Variants in ROCK1 observed in about 807,000 individuals in gnomAD.
ROCK1 encodes the protein Rho associated coiled-coil containing protein kinase 1.
In ROCK1, 36 loss-of-function variants were observed where a neutral mutation model predicts 196.8. That is an observed-to-expected ratio of 0.18 (90% CI 0.14 to 0.24). ROCK1 has a LOEUF of 0.24. Ranked by LOEUF, ROCK1 falls within the 10% of genes least tolerant of loss-of-function variation. ROCK1 has a pLI of 1.00. For synonymous variants in ROCK1, 443 were observed against 515.9 expected, an observed-to-expected ratio of 0.86 and a Z score of 1.91; for missense variants, 920 against 1,562.0, an observed-to-expected ratio of 0.59 and a Z score of 6.93.
chr18:21,029,514 G>C (rs1428455316), intron 9 of ROCK1, among the ~76,000 whole-genome samples: 1 of 152,054 alleles, frequency 6.6e-6, no homozygotes, highest in Non-Finnish European at 1.5e-5. Context: ...ATTTGGAATT[G>C]TATTTTCAGA....
Position 20,986,945 on chromosome 18 carries a change from C to T in ROCK1, c.2304+5G>A. The T allele has an allele frequency of 6.3e-7, 1 of 1,582,286 alleles. No homozygotes were observed. Among genetic ancestry groups the T allele is most frequent in the South Asian group, 1.2e-5 (1 of 84,604 alleles). On this transcript the variant is annotated splice_donor_5th_base_variant and intron_variant, in intron 19 of 32. Coordinates refer to ENST00000399799, the MANE Select transcript of ROCK1 (RefSeq NM_005406.3). ...GATGAACAAAGTCAGTACTATTTTT[C>T]TTACTTCATCCTCCATCCTTTCTTT...
intron 5 of ROCK1, 192 bp downstream of exon 5, chr18:21,045,100 A>AT (rs2143509878): frequency 2.5e-6 from 1 of 394,736 alleles, no homozygotes; most frequent in Non-Finnish European, 4.5e-6. Context: ...AGCTCAAGAG[A>AT]TCTGCCTGCC....
At chr18:20,972,918 T>C (rs1359313180) in intron 22 of ROCK1, among the ~76,000 whole-genome samples, 1 of 152,240 alleles carries the variant, frequency 6.6e-6, no homozygotes, top group Non-Finnish European at 1.5e-5. Context: ...TCGCTCTTGT[T>C]GCCCAGGCTG....
rs554922986 is a variant in ROCK1, at chr18:21,038,929, C to A, written c.1051+543G>T. On this transcript the variant is annotated intron_variant, in intron 9 of 32. Transcript: ENST00000399799. ...TTAAAAAGTAAGAAAGTGTTCTAAA[C>A]TGACTGAAAATTAGTTTCTTATACA... 2.5e-3 allele frequency among the ~76,000 whole-genome samples: 381 copies of A among 152,292 alleles called. 3 individuals carry two copies. Among genetic ancestry groups the A allele is most frequent in the Middle Eastern group, 0.01 (3 of 294 alleles).
chr18:20,971,778 C>T (rs1383332442), intron 22 of ROCK1, among the ~76,000 whole-genome samples: 1 of 151,278 alleles, frequency 6.6e-6, no homozygotes, highest in Non-Finnish European at 1.5e-5. Context: ...TGGGGCCGTA[C>T]AGGCAATTTA....
chr18:20,971,400 A>G (rs1184696552), intron 22 of ROCK1, among the ~76,000 whole-genome samples: 1 of 151,600 alleles, frequency 6.6e-6, no homozygotes, highest in Non-Finnish European at 1.5e-5. Flanking sequence ...AGGTTTACTA[A>G]GTACTACACT....
In ROCK1 at chr18:20,962,506, GT is replaced by G. The variant is rs1181429579; in HGVS notation, c.3353-2301del. Among the ~76,000 whole-genome samples, 17 of 152,094 alleles carry G rather than the reference GT, an allele frequency of 1.1e-4. 1 individual carries two copies. The highest frequency in any genetic ancestry group is 8.5e-4 in the Admixed American group (13 of 15,270). ...ACATTATTTCTTTGTGACAATCAAT[GT>G]CAAAAATATTTATGCTTTCTGGCTC... On this transcript the variant is annotated intron_variant, in intron 27 of 32. Coordinates refer to ENST00000399799, the MANE Select transcript of ROCK1 (RefSeq NM_005406.3).
chr18:20,959,109 ATATAT>A (rs2035293685), intron 29 of ROCK1, among the ~76,000 whole-genome samples: 2 of 51,382 alleles, frequency 3.9e-5, no homozygotes, highest in Non-Finnish European at 6.0e-5. Flanking sequence ...TATATTATAT[ATATAT>A]TATATAATAT....
At chr18:21,084,255 C>A (rs201344749) in intron 1 of ROCK1, among the ~76,000 whole-genome samples, 16 of 147,896 alleles carry the variant, frequency 1.1e-4, no homozygotes, top group African/African-American at 2.5e-4. Flanking sequence ...ACACAGGCAA[C>A]AAAAAAAAAA....
At position 20,984,404 on chromosome 18, in the gene ROCK1, A is replaced by G. The variant is rs1384253004; in HGVS notation, c.2436T>C (p.Asn812=). The G allele has an allele frequency of 3.1e-6, 5 of 1,611,752 alleles. No homozygotes were observed. In the Admixed American group the frequency reaches 8.4e-5, roughly 27 times the overall value. Residue 812 remains asparagine, a synonymous_variant, in exon 20 of 33, where the codon AAT becomes AAC. Transcript: ENST00000399799. ...ATAATCTCTTTGCTTCCAATAAAGT[A>G]TTTATTTCCTGTTTCATCTGCTTTT... The part of the protein sequence containing the change: ...GLEKQMKQEI[N]TLLEAKRLLE...
intron 1 of ROCK1, among the ~76,000 whole-genome samples, chr18:21,088,711 A>C (rs2036546655): frequency 6.6e-6 from 1 of 152,114 alleles, no homozygotes; most frequent in East Asian, 1.9e-4. Flanking sequence ...CAGAGTCCTT[A>C]TAAGTATATT....
intron 8 of ROCK1, among the ~76,000 whole-genome samples, chr18:21,040,424 G>A (rs1377194061): frequency 1.3e-5 from 2 of 152,190 alleles, no homozygotes; most frequent in East Asian, 3.8e-4. Context: ...ACAAGTTACT[G>A]ATACCAGCCT....
At chr18:21,015,911 T>G (rs1598528976) in intron 12 of ROCK1, among the ~76,000 whole-genome samples, 1 of 149,530 alleles carries the variant, frequency 6.7e-6, no homozygotes, top group South Asian at 2.1e-4. Context: ...ACCTGGGAGG[T>G]GGAGGTTGCA....
At chr18:21,094,964 C>A (rs1316457890) in intron 1 of ROCK1, among the ~76,000 whole-genome samples, 1 of 149,802 alleles carries the variant, frequency 6.7e-6, no homozygotes, top group Non-Finnish European at 1.5e-5. Context: ...GCAGGAGAAT[C>A]GCTTGAACCT....
chr18:20,951,608 T>C (rs2035188629), intron 32 of ROCK1, among the ~76,000 whole-genome samples: 1 of 152,202 alleles, frequency 6.6e-6, no homozygotes, highest in African/African-American at 2.4e-5. Flanking sequence ...TTTCAAATCA[T>C]TTTAGATCCA....
intron 18 of ROCK1, among the ~76,000 whole-genome samples, chr18:20,987,316 T>A (rs1275928670): frequency 2.0e-5 from 3 of 152,184 alleles, no homozygotes; most frequent in Non-Finnish European, 2.9e-5. Flanking sequence ...TAAAATATAA[T>A]ACAGTAATAA....
intron 4 of ROCK1, among the ~76,000 whole-genome samples, chr18:21,048,172 T>G (rs2036176884): frequency 6.6e-6 from 1 of 152,140 alleles, no homozygotes; most frequent in South Asian, 2.1e-4. Flanking sequence ...CCCAGAGATG[T>G]TAAGTAACAT....
chr18:20,980,748 C>T (rs2035524594), intron 21 of ROCK1, among the ~76,000 whole-genome samples: 1 of 151,588 alleles, frequency 6.6e-6, no homozygotes, highest in East Asian at 2.0e-4. Flanking sequence ...AACCTCGTTT[C>T]TACTAAAAAT....
At chr18:21,092,664 C>T (rs553945221) in intron 1 of ROCK1, among the ~76,000 whole-genome samples, 1 of 149,946 alleles carries the variant, frequency 6.7e-6, no homozygotes, top group Non-Finnish European at 1.5e-5. Context: ...TATAGCCTGG[C>T]ATTTTTTAAA....
Sources: gnomAD v4.1 joint callset for allele counts (sites outside exome capture counted in the v4.1 genomes callset) on GRCh38, gnomAD v4.1.1 for gene constraint, MANE v1.5 for transcripts, NCBI Gene and HGNC (gene_info 2026-07-23, HGNC 2026-07-21) for gene names.